CNTNAP5: variants seen among roughly 807,000 people sequenced by gnomAD.
CNTNAP5 encodes the protein contactin associated protein family member 5.
In CNTNAP5, 72 loss-of-function variants were observed where a neutral mutation model predicts 150.2. The observed-to-expected ratio is 0.48, with a 90% CI of 0.40 to 0.58. The LOEUF (loss-of-function observed/expected upper bound fraction) is 0.58. Ranked by LOEUF, CNTNAP5 falls within the 20% of genes least tolerant of loss-of-function variation. CNTNAP5 has a pLI of 0.00. For synonymous variants in CNTNAP5, 672 were observed against 619.8 expected, an observed-to-expected ratio of 1.08 and a Z score of -1.25; for missense variants, 1,636 against 1,626.2, an observed-to-expected ratio of 1.01 and a Z score of -0.10.
chr2:124,653,739 G>A (rs1321929908), intron 13 of CNTNAP5, among the ~76,000 whole-genome samples: 2 of 151,930 alleles, frequency 1.3e-5, no homozygotes, highest in Non-Finnish European at 2.9e-5. Context: ...CTCAATACTT[G>A]TACCACCCAA....
intron 1 of CNTNAP5, among the ~76,000 whole-genome samples, chr2:124,172,458 G>T (rs115955946): frequency 6.6e-6 from 1 of 152,000 alleles, no homozygotes; most frequent in Admixed American, 6.6e-5. Context: ...TATCACCCAG[G>T]CTAGAATGCA....
chr2:124,174,232 C>T (rs1685008917), intron 1 of CNTNAP5, among the ~76,000 whole-genome samples: 1 of 152,098 alleles, frequency 6.6e-6, no homozygotes, highest in African/African-American at 2.4e-5. Context: ...GCTAACACAA[C>T]ATCCATTCTG....
chr2:124,611,987 A>AT (rs1179338193), intron 12 of CNTNAP5, among the ~76,000 whole-genome samples: 2 of 152,220 alleles, frequency 1.3e-5, no homozygotes, highest in East Asian at 3.8e-4. Context: ...CTCAAGGTAA[A>AT]TTCTGTGACT....
At chr2:124,037,935 A>T (rs1226056360) in intron 1 of CNTNAP5, among the ~76,000 whole-genome samples, 1 of 152,212 alleles carries the variant, frequency 6.6e-6, no homozygotes, top group Non-Finnish European at 1.5e-5. Flanking sequence ...AAAATTTTGT[A>T]CTAATTAGAA....
intron 1 of CNTNAP5, among the ~76,000 whole-genome samples, chr2:124,103,815 C>T (rs1277358556): frequency 6.8e-6 from 1 of 146,714 alleles, no homozygotes; most frequent in Non-Finnish European, 1.5e-5. Context: ...TATAACTTAA[C>T]CATTATATAT....
At chr2:124,178,866 T>C (rs767746523) in intron 1 of CNTNAP5, among the ~76,000 whole-genome samples, 22 of 152,110 alleles carry the variant, frequency 1.4e-4, no homozygotes, top group Non-Finnish European at 3.2e-4. Flanking sequence ...ATAGTTTGAA[T>C]ATGAATACAA....
intron 21 of CNTNAP5, among the ~76,000 whole-genome samples, chr2:124,871,281 CTTAT>C (rs1427017376): frequency 2.6e-5 from 4 of 151,194 alleles, no homozygotes; most frequent in South Asian, 4.2e-4. Flanking sequence ...TATTTACTTA[CTTAT>C]TTATTTATTT....
rs561454187 is a variant in CNTNAP5 at position 124,441,535 on chromosome 2, T to G, written c.734-5218T>G. Among the ~76,000 whole-genome samples, 222 of 152,218 alleles carry G rather than the reference T, an allele frequency of 1.5e-3. 1 individual carries two copies. The highest frequency in any genetic ancestry group is 0.014 in the Middle Eastern group (4 of 294). On this transcript the variant is annotated intron_variant, in intron 5 of 23. Coordinates refer to ENST00000682447, the MANE Select transcript of CNTNAP5 (RefSeq NM_001367498.1). Reference sequence around the variant, plus strand: ...ATCAGTATAGTCTAATTATTGAGTATTCTATTTATTAAATATTACTTTTAA... The same window carrying G: ...ATCAGTATAGTCTAATTATTGAGTAGTCTATTTATTAAATATTACTTTTAA...
Position 124,834,665 on chromosome 2 carries a change from A to G in CNTNAP5, c.3218-30641A>G, listed in dbSNP as rs532395579. Among the ~76,000 whole-genome samples, 60 of 152,160 alleles carry G rather than the reference A, an allele frequency of 3.9e-4. No individual in the cohort carries two copies. The South Asian group carries it at 0.012, about 32-fold the overall frequency. ...GCTAAGGGAGCTCTAGGCAAATCAT[A>G]CTAAGGGAGCTCTATAGTCAAGTGC... On this transcript the variant is annotated intron_variant, in intron 19 of 23. Transcript: ENST00000682447.
intron 4 of CNTNAP5, among the ~76,000 whole-genome samples, chr2:124,425,748 C>T (rs1025855187): frequency 6.6e-6 from 1 of 152,174 alleles, no homozygotes; most frequent in Non-Finnish European, 1.5e-5. Flanking sequence ...CTTACAGTGG[C>T]ATAGTGATGC....
intron 7 of CNTNAP5, among the ~76,000 whole-genome samples, chr2:124,487,746 A>G (rs928920569): frequency 1.3e-5 from 2 of 152,066 alleles, no homozygotes; most frequent in Non-Finnish European, 2.9e-5. Flanking sequence ...GCATTTTATC[A>G]AACTTTTAAT....
chr2:124,641,566 T>C (rs1678095175), intron 12 of CNTNAP5, among the ~76,000 whole-genome samples: 1 of 152,116 alleles, frequency 6.6e-6, no homozygotes, highest in South Asian at 2.1e-4. Flanking sequence ...GTAGAGACAG[T>C]ACTTTGAGGA....
At chr2:124,347,479 C>T (rs929248439) in intron 3 of CNTNAP5, among the ~76,000 whole-genome samples, 4 of 152,164 alleles carry the variant, frequency 2.6e-5, no homozygotes, top group African/African-American at 4.8e-5. Context: ...CGTCTGAGAG[C>T]ACTAGGCGGG....
chr2:124,231,133 C>T (rs1686607521), intron 2 of CNTNAP5, among the ~76,000 whole-genome samples: 1 of 152,188 alleles, frequency 6.6e-6, no homozygotes, highest in Admixed American at 6.5e-5. Flanking sequence ...ACAGCTGGTG[C>T]TTCTGCAAAT....
At chr2:124,214,110 A>T (rs1227084440) in intron 1 of CNTNAP5, among the ~76,000 whole-genome samples, 1 of 152,142 alleles carries the variant, frequency 6.6e-6, no homozygotes, top group African/African-American at 2.4e-5. Flanking sequence ...GAATAAGGTG[A>T]TGGTCTCCCC....
In CNTNAP5 at chr2:124,148,213, C is replaced by T. The variant is rs75796849; in HGVS notation, c.83-73492C>T. 8.2e-3 allele frequency among the ~76,000 whole-genome samples: 1,241 copies of T among 151,350 alleles called. 7 individuals are homozygous for T. The highest frequency in any genetic ancestry group is 0.013 in the Non-Finnish European group (890 of 67,842). ...TCATGATTGAAAATATTCTCACTAC[C>T]GCGTGAACCCAGGAGGCAGAGCTTG... On this transcript the variant is annotated intron_variant, in intron 1 of 23. Coordinates refer to ENST00000682447, the MANE Select transcript of CNTNAP5 (RefSeq NM_001367498.1).
At chr2:124,308,780 G>A (rs1395669794) in intron 3 of CNTNAP5, among the ~76,000 whole-genome samples, 5 of 152,310 alleles carry the variant, frequency 3.3e-5, no homozygotes, top group South Asian at 4.1e-4. Context: ...ATGTTACACT[G>A]AAAAATTATC....
chr2:124,394,046 A>G (rs187040670), intron 3 of CNTNAP5, among the ~76,000 whole-genome samples: 3 of 152,238 alleles, frequency 2.0e-5, no homozygotes, highest in African/African-American at 7.2e-5. Flanking sequence ...TTTAACTGTT[A>G]TAGCTATTAT....
At chr2:124,596,105 A>AT (rs1327098012) in intron 11 of CNTNAP5, among the ~76,000 whole-genome samples, 1 of 134,686 alleles carries the variant, frequency 7.4e-6, no homozygotes, top group African/African-American at 2.9e-5. Context: ...GGATTCATTG[A>AT]TTTTTTGAAG....
Sources: gnomAD v4.1 joint callset for allele counts (sites outside exome capture counted in the v4.1 genomes callset) on GRCh38, gnomAD v4.1.1 for gene constraint, MANE v1.5 for transcripts, NCBI Gene and HGNC (gene_info 2026-07-23, HGNC 2026-07-21) for gene names.